CEP55: variants seen among roughly 807,000 people sequenced by gnomAD.
CEP55 encodes the protein centrosomal protein of 55 kDa.
Under a neutral mutation model 63.2 loss-of-function variants are expected in CEP55, and 57 were observed. That is an observed-to-expected ratio of 0.90 (90% CI 0.73 to 1.13). The LOEUF (loss-of-function observed/expected upper bound fraction) is 1.13. Among genes scored for constraint, CEP55 ranks in the 50% most tolerant of loss-of-function variants. The pLI is 0.00. For missense variants in CEP55, 456 were observed against 518.9 expected (o/e 0.88, Z 1.18); for synonymous variants, 178 against 191.6 (o/e 0.93, Z 0.59).
chr10:93,517,016 C>T lies in CEP55; in HGVS notation c.761C>T (p.Thr254Ile). 1 of 1,612,566 alleles carries T rather than the reference C, an allele frequency of 6.2e-7. No individual in the cohort carries two copies. Residue 254 changes from threonine (T) to isoleucine (I), a missense_variant, in exon 6 of 9, where the codon ACC becomes ATC. Thr to Ile is a moderately conservative substitution (Grantham distance 89, BLOSUM62 -1). Coordinates refer to ENST00000371485, the MANE Select transcript of CEP55 (RefSeq NM_018131.5). ...AAAGATCTTGAGGTTGAACGACAAA[C>T]CATAACTCAGCTGAGTTTTGAACTG... ...AKKDLEVERQ[T>I]ITQLSFELSE...
At chr10:93,515,585 G>T in intron 5 of CEP55, 30 bp downstream of exon 5, 1 of 1,535,658 alleles carries the variant, frequency 6.5e-7, no homozygotes, top group Non-Finnish European at 8.8e-7. Flanking sequence ...TGTTCTCTAG[G>T]GATAGGCCTG....
At chr10:93,517,303 C>T in intron 6 of CEP55, 55 bp downstream of exon 6, 3 of 1,416,788 alleles carry the variant, frequency 2.1e-6, no homozygotes, top group Non-Finnish European at 2.9e-6. Flanking sequence ...TTCTAAGTGT[C>T]AGGGACTATT....
chr10:93,508,668 T>TTTCTC (rs1302525766), intron 4 of CEP55, among the ~76,000 whole-genome samples: 5 of 152,138 alleles, frequency 3.3e-5, no homozygotes, highest in African/African-American at 1.2e-4. Context: ...TAAACCACCT[T>TTTCTC]TTCTCTTTCT....
chr10:93,512,794 G>C (rs1191376405), intron 4 of CEP55, among the ~76,000 whole-genome samples: 2 of 152,080 alleles, frequency 1.3e-5, no homozygotes, highest in Non-Finnish European at 2.9e-5. Flanking sequence ...ACCTCACTGG[G>C]GATGGCAGTG....
chr10:93,506,360 T>C (rs990742658), intron 3 of CEP55, among the ~76,000 whole-genome samples: 1 of 152,228 alleles, frequency 6.6e-6, no homozygotes, highest in African/African-American at 2.4e-5. Flanking sequence ...TGTTTGTCTT[T>C]TTGGTAAAAA....
intron 8 of CEP55, among the ~76,000 whole-genome samples, chr10:93,520,594 T>C (rs2057850799): frequency 6.6e-6 from 1 of 152,088 alleles, no homozygotes; most frequent in South Asian, 2.1e-4. Flanking sequence ...GATGAAATGG[T>C]TTTTCACTTA....
At chr10:93,513,021 C>T (rs548951396) in intron 4 of CEP55, among the ~76,000 whole-genome samples, 87 of 152,272 alleles carry the variant, frequency 5.7e-4, no homozygotes, top group South Asian at 2.3e-3. Flanking sequence ...AAGACAGACT[C>T]TTTAAATCAA....
chr10:93,518,781 A>C, intron 6 of CEP55, 96 bp from the exon 7 acceptor site: 15 of 761,350 alleles, frequency 2.0e-5, no homozygotes, highest in Non-Finnish European at 2.7e-5. Flanking sequence ...TGTCCTGGTT[A>C]GAGATGTGAG....
At chr10:93,501,546 G>A (rs1389399164) in intron 2 of CEP55, among the ~76,000 whole-genome samples, 3 of 152,068 alleles carry the variant, frequency 2.0e-5, no homozygotes, top group Admixed American at 6.6e-5. Flanking sequence ...GTGTGCACCT[G>A]TAATCCCAAC....
At chr10:93,514,079 G>A (rs954247590) in intron 4 of CEP55, among the ~76,000 whole-genome samples, 5 of 152,074 alleles carry the variant, frequency 3.3e-5, no homozygotes, top group Admixed American at 6.5e-5. Context: ...AAGTAGCTGG[G>A]ACTGCAGGTA....
chr10:93,522,628 A>G (rs57203052), intron 8 of CEP55, among the ~76,000 whole-genome samples: 6,446 of 152,270 alleles, frequency 0.042, 439 homozygotes, highest in African/African-American at 0.15. Flanking sequence ...TCCAAGACAC[A>G]TAATTGTCAG....
intron 4 of CEP55, among the ~76,000 whole-genome samples, chr10:93,510,262 C>G (rs1337621413): frequency 6.6e-6 from 1 of 152,142 alleles, no homozygotes; most frequent in Non-Finnish European, 1.5e-5. Flanking sequence ...ATAGGCGTTT[C>G]TTGCTCTTAA....
At position 93,497,274 on chromosome 10, in the gene CEP55, C is replaced by CT. The variant is rs553654759; in HGVS notation, c.-13+360dup. Among the ~76,000 whole-genome samples, 166 of 151,338 alleles carry CT rather than the reference C, an allele frequency of 1.1e-3. No homozygotes were observed. The South Asian group carries it at 0.013, about 12-fold the overall frequency. On this transcript the variant is annotated intron_variant, in intron 1 of 8. Coordinates refer to ENST00000371485, the MANE Select transcript of CEP55 (RefSeq NM_018131.5). ...CAACCAATCATTTCTTTTCTTTTTT[C>CT]TTTTTTTTTGAGATGGAGTCTCGCT...
chr10:93,514,370 GT>G (rs2057781811), intron 4 of CEP55, among the ~76,000 whole-genome samples: 1 of 152,178 alleles, frequency 6.6e-6, no homozygotes, highest in Admixed American at 6.6e-5. Context: ...TTTTAATTGG[GT>G]TATAAAAGAT....
intron 3 of CEP55, among the ~76,000 whole-genome samples, chr10:93,504,115 G>A (rs1029449071): frequency 2.0e-5 from 3 of 152,096 alleles, no homozygotes; most frequent in Non-Finnish European, 2.9e-5. Context: ...TCGGTAAATG[G>A]TTACTTATTG....
intron 2 of CEP55, among the ~76,000 whole-genome samples, chr10:93,501,920 G>C (rs2057639459): frequency 6.6e-6 from 1 of 152,086 alleles, no homozygotes; most frequent in African/African-American, 2.4e-5. Context: ...CACTTTTTGA[G>C]AAGCACTGGA....
chr10:93,519,559 A>G lies in CEP55; in HGVS notation c.1066-123A>G. 2 of 1,153,530 alleles carry G rather than the reference A, an allele frequency of 1.7e-6. 1 individual carries two copies. The highest frequency in any genetic ancestry group is 3.1e-5 in the South Asian group (2 of 65,266). The allele number at this position is 1,153,530 out of a possible 1,614,324, so 71.5% of individuals were successfully genotyped here. Reference sequence around the variant, plus strand: ...TTAACATTTCATGGTGCTTAGGTGAATTCTTGCTACGATGGTACAATAAAT... The same window carrying G: ...TTAACATTTCATGGTGCTTAGGTGAGTTCTTGCTACGATGGTACAATAAAT... On this transcript the variant is annotated intron_variant, in intron 7 of 8. Coordinates refer to ENST00000371485, the MANE Select transcript of CEP55 (RefSeq NM_018131.5).
rs558451737 is a variant in CEP55, at chr10:93,513,080, T to C, written c.529-2325T>C. On this transcript the variant is annotated intron_variant, in intron 4 of 8. Coordinates refer to ENST00000371485, the MANE Select transcript of CEP55 (RefSeq NM_018131.5). ...CAGCCATCCACAGAGCTTTACACTA[T>C]TGACGATATATAATACAAAATGGAT... Among the ~76,000 whole-genome samples the C allele has an allele frequency of 1.2e-3, 179 of 152,302 alleles. 1 individual carries two copies. Among genetic ancestry groups the C allele is most frequent in the African/African-American group, 4.1e-3 (170 of 41,574 alleles).
At chr10:93,524,255 G>C (rs1290712897) in intron 8 of CEP55, among the ~76,000 whole-genome samples, 1 of 151,948 alleles carries the variant, frequency 6.6e-6, no homozygotes, top group Admixed American at 6.6e-5. Context: ...TGATAAAGGG[G>C]ATATCACACC....
Sources: allele counts gnomAD v4.1 joint callset (sites outside exome capture counted in the v4.1 genomes callset), GRCh38; gene constraint gnomAD v4.1.1; transcripts MANE v1.5; gene names NCBI Gene and HGNC (gene_info 2026-07-23, HGNC 2026-07-21).